DLEU7: variants seen among roughly 807,000 people sequenced by gnomAD.
DLEU7 encodes the protein leukemia-associated protein 7.
In DLEU7, 17 loss-of-function variants were observed where a neutral mutation model predicts 16.0. The observed-to-expected ratio is 1.06, with a 90% CI of 0.73 to 1.59. DLEU7 has a LOEUF of 1.59. Ranked by LOEUF, DLEU7 falls within the 40% of genes most tolerant of loss-of-function variation. The pLI is 0.00. For synonymous variants in DLEU7, 113 were observed against 139.8 expected (o/e 0.81, Z 1.35); for missense variants, 308 against 314.9 (o/e 0.98, Z 0.17).
intron 1 of DLEU7, among the ~76,000 whole-genome samples, chr13:50,766,920 G>A (rs997502494): frequency 1.3e-5 from 2 of 151,214 alleles, no homozygotes; most frequent in African/African-American, 4.9e-5. Context: ...GACAGCTGGA[G>A]TGGAGACTTG....
intron 1 of DLEU7, among the ~76,000 whole-genome samples, chr13:50,729,124 A>G (rs1873846375): frequency 1.3e-5 from 2 of 152,212 alleles, no homozygotes; most frequent in Non-Finnish European, 2.9e-5. Flanking sequence ...TTAATCACCC[A>G]TGTATTAAAA....
chr13:50,732,238 A>G (rs1240679129), intron 1 of DLEU7, among the ~76,000 whole-genome samples: 1 of 152,204 alleles, frequency 6.6e-6, no homozygotes, highest in Non-Finnish European at 1.5e-5. Context: ...AAGCTAGGAC[A>G]GGTTTTCTTT....
chr13:50,830,784 T>C (rs892885765), intron 1 of DLEU7, among the ~76,000 whole-genome samples: 2 of 152,184 alleles, frequency 1.3e-5, no homozygotes, highest in Non-Finnish European at 1.5e-5. Flanking sequence ...ACAGGGACTT[T>C]GCAGATGTTA....
intron 1 of DLEU7, among the ~76,000 whole-genome samples, chr13:50,813,903 G>A (rs1035381872): frequency 1.3e-5 from 2 of 152,046 alleles, no homozygotes. Flanking sequence ...GTGAAAATGT[G>A]GGAAATAACT....
At chr13:50,786,509 G>A (rs945701375) in intron 1 of DLEU7, among the ~76,000 whole-genome samples, 6 of 152,092 alleles carry the variant, frequency 3.9e-5, no homozygotes, top group African/African-American at 7.2e-5. Context: ...ATAAATACTC[G>A]TAGGATTCAG....
chr13:50,804,897 C>T (rs1278918491), intron 1 of DLEU7, among the ~76,000 whole-genome samples: 2 of 151,924 alleles, frequency 1.3e-5, no homozygotes, highest in African/African-American at 4.8e-5. Context: ...TACTTTATAA[C>T]CAAAGACCTA....
At chr13:50,826,326 A>G (rs1009115764) in intron 1 of DLEU7, among the ~76,000 whole-genome samples, 1 of 152,164 alleles carries the variant, frequency 6.6e-6, no homozygotes, top group African/African-American at 2.4e-5. Context: ...AAGATATAGA[A>G]GAAGAAATCA....
intron 1 of DLEU7, among the ~76,000 whole-genome samples, chr13:50,716,520 G>A (rs1317638584): frequency 6.6e-6 from 1 of 152,200 alleles, no homozygotes; most frequent in African/African-American, 2.4e-5. Flanking sequence ...TACCTTTTCC[G>A]TGATGTCACG....
At chr13:50,773,220 T>A (rs563788830) in intron 1 of DLEU7, among the ~76,000 whole-genome samples, 2 of 152,334 alleles carry the variant, frequency 1.3e-5, no homozygotes, top group Admixed American at 1.3e-4. Context: ...GACATCCTCC[T>A]TTAGCTTGGA....
chr13:50,830,297 A>T (rs569834168), intron 1 of DLEU7, among the ~76,000 whole-genome samples: 31 of 152,260 alleles, frequency 2.0e-4, no homozygotes, highest in Non-Finnish European at 4.1e-4. Context: ...TGGCCTGTTT[A>T]ACTCAGCTAA....
At chr13:50,815,097 G>C (rs1363925815) in intron 1 of DLEU7, among the ~76,000 whole-genome samples, 1 of 152,164 alleles carries the variant, frequency 6.6e-6, no homozygotes, top group Admixed American at 6.5e-5. Context: ...TTTTTCACTT[G>C]TGACACAGGT....
At chr13:50,774,513 C>G (rs1027666479) in intron 1 of DLEU7, among the ~76,000 whole-genome samples, 3 of 152,104 alleles carry the variant, frequency 2.0e-5, no homozygotes, top group African/African-American at 7.2e-5. Flanking sequence ...TGTCTTCTTT[C>G]GATGCTTTTA....
intron 1 of DLEU7, among the ~76,000 whole-genome samples, chr13:50,751,833 G>A (rs1216061548): frequency 6.6e-6 from 1 of 151,900 alleles, no homozygotes; most frequent in African/African-American, 2.4e-5. Context: ...TCTTTTCTTG[G>A]TTAACCTTGG....
intron 1 of DLEU7, among the ~76,000 whole-genome samples, chr13:50,802,108 G>A (rs1448388890): frequency 8.6e-6 from 1 of 116,350 alleles, no homozygotes; most frequent in Non-Finnish European, 1.6e-5. Flanking sequence ...GAACAAGGGA[G>A]CCTCTATACA....
chr13:50,744,497 A>G (rs1260805794), intron 1 of DLEU7, among the ~76,000 whole-genome samples: 2 of 152,184 alleles, frequency 1.3e-5, no homozygotes, highest in Non-Finnish European at 2.9e-5. Flanking sequence ...AATTTCGCAA[A>G]TTCTGTATCA....
intron 1 of DLEU7, among the ~76,000 whole-genome samples, chr13:50,787,719 C>T (rs147022869): frequency 6.6e-6 from 1 of 151,968 alleles, no homozygotes; most frequent in Non-Finnish European, 1.5e-5. Flanking sequence ...CCCTCCCCCC[C>T]ACCTTTAACA....
intron 1 of DLEU7, among the ~76,000 whole-genome samples, chr13:50,835,272 G>A (rs1877416616): frequency 6.6e-6 from 1 of 152,186 alleles, no homozygotes; most frequent in African/African-American, 2.4e-5. Context: ...GGCTCACAGA[G>A]CCAAGCTCAG....
chr13:50,758,675 C>G (rs1874835731), intron 1 of DLEU7, among the ~76,000 whole-genome samples: 1 of 152,210 alleles, frequency 6.6e-6, no homozygotes, highest in Non-Finnish European at 1.5e-5. Context: ...GGCTCTATTT[C>G]CCACTGTTGG....
At chr13:50,811,994 C>T (rs78912652) in intron 1 of DLEU7, among the ~76,000 whole-genome samples, 5,140 of 145,642 alleles carry the variant, frequency 0.035, 293 homozygotes, top group African/African-American at 0.12. Flanking sequence ...CACTTGAACC[C>T]AGGAGGCAGC....
Sources: gnomAD v4.1 joint callset for allele counts (sites outside exome capture counted in the v4.1 genomes callset) on GRCh38, gnomAD v4.1.1 for gene constraint, MANE v1.5 for transcripts, NCBI Gene and HGNC (gene_info 2026-07-23, HGNC 2026-07-21) for gene names.